CHD7: variants seen among roughly 807,000 people sequenced by gnomAD.
CHD7 encodes ATP-dependent chromatin remodeler CHD7.
In CHD7, 24 loss-of-function variants were observed where a neutral mutation model predicts 307.3. The observed-to-expected ratio is 0.08, with a 90% CI of 0.06 to 0.11. CHD7 has a LOEUF of 0.11. Among genes scored for constraint, CHD7 ranks in the 10% least tolerant of loss-of-function variants. The probability of loss-of-function intolerance (pLI) is 1.00; values close to 1 mark genes in which losing one functional copy is unlikely to be tolerated. For missense variants in CHD7, 3,106 were observed against 3,727.1 expected (o/e 0.83, Z 4.34); for synonymous variants, 1,363 against 1,349.9 (o/e 1.01, Z -0.21).
chr8:60,787,736 G>A (rs1289675391), intron 3 of CHD7, among the ~76,000 whole-genome samples: 1 of 151,984 alleles, frequency 6.6e-6, no homozygotes, highest in Non-Finnish European at 1.5e-5. Context: ...TCTGTGATCA[G>A]ATAACACATT....
chr8:60,696,617 G>T (rs1586175588), intron 1 of CHD7, among the ~76,000 whole-genome samples: 1 of 143,954 alleles, frequency 6.9e-6, no homozygotes, highest in African/African-American at 2.5e-5. Context: ...ATTGCAGGTA[G>T]TTTTTTTTTT....
Position 60,850,530 on chromosome 8 carries a change from G to A in CHD7, c.5442G>A (p.Ala1814=), listed in dbSNP as rs558567843. The A allele has an allele frequency of 3.3e-5, 54 of 1,613,642 alleles. No homozygotes were observed. The highest frequency in any genetic ancestry group is 8.9e-5 in the East Asian group (4 of 44,864). ...ACAACTCCATGCGAGCTGACCCCGCGCTGTGCTTTCTGGAACGAGTCGGTA... is the reference window on the plus strand; with the variant it reads ...ACAACTCCATGCGAGCTGACCCCGCACTGTGCTTTCTGGAACGAGTCGGTA... The part of the protein sequence containing the change: ...EKYNSMRADP[A]LCFLERVGMP... The change falls in exon 26 of 38, where the codon GCG becomes GCA. Residue 1814 remains alanine (A), a synonymous_variant. Coordinates refer to ENST00000423902, the MANE Select transcript of CHD7 (RefSeq NM_017780.4).
chr8:60,724,310 T>C (rs1268667220), intron 1 of CHD7, among the ~76,000 whole-genome samples: 1 of 152,216 alleles, frequency 6.6e-6, no homozygotes, highest in Non-Finnish European at 1.5e-5. Context: ...ATTTGAGTAT[T>C]GTAGATCATC....
chr8:60,733,954 C>T (rs964145427), intron 1 of CHD7, among the ~76,000 whole-genome samples: 2 of 152,096 alleles, frequency 1.3e-5, no homozygotes, highest in African/African-American at 4.8e-5. Flanking sequence ...AACAGATGGG[C>T]ATATCTTTAA....
At chr8:60,696,319 T>G (rs1806464379) in intron 1 of CHD7, among the ~76,000 whole-genome samples, 1 of 152,234 alleles carries the variant, frequency 6.6e-6, no homozygotes, top group Admixed American at 6.5e-5. Context: ...CAGTTTCACT[T>G]AATTAAAAGC....
chr8:60,848,591 G>T lies in CHD7; in HGVS notation c.5287G>T (p.Gly1763Cys), dbSNP rs774818972. ...IGDQADKILE[G>C]ADSSEADVWI... ...AGACCAGGCGGATAAGATCTTAGAG[G>T]GTGCTGACTCAAGGTTAGTGCGAGC... Residue 1763 changes from glycine (G) to cysteine (C), a missense_variant, in exon 24 of 38, where the codon GGT (glycine) becomes TGT (cysteine). Gly to Cys is a radical substitution (Grantham distance 159). This residue lies in a region of CHD7 where 1,030 missense variants were observed against 1,165.4 expected (regional missense o/e 0.88). Transcript: ENST00000423902. 15 of 1,613,094 alleles carry T rather than the reference G, an allele frequency of 9.3e-6. No individual in the cohort carries two copies. Among genetic ancestry groups the T allele is most frequent in the Non-Finnish European group, 1.7e-6 (2 of 1,179,484 alleles).
At chr8:60,795,348 G>A (rs1459275189) in intron 4 of CHD7, among the ~76,000 whole-genome samples, 1 of 152,052 alleles carries the variant, frequency 6.6e-6, no homozygotes, top group Non-Finnish European at 1.5e-5. Flanking sequence ...TGCTATCTTT[G>A]ACTCTATAAT....
chr8:60,679,101 C>A lies in CHD7; in HGVS notation c.-175+19C>A. On this transcript the variant is annotated intron_variant, in intron 1 of 37. Coordinates refer to ENST00000423902, the MANE Select transcript of CHD7 (RefSeq NM_017780.4). Reference sequence around the variant, plus strand: ...CGACCCGGTGAGCGCGAGAGTTCGCCCGGCGCCCCCGGGAGGGGCGGCGGC... The same window carrying A: ...CGACCCGGTGAGCGCGAGAGTTCGCACGGCGCCCCCGGGAGGGGCGGCGGC... The A allele has an allele frequency of 6.4e-6, 1 of 156,616 alleles. No homozygotes were observed. The highest frequency in any genetic ancestry group is 1.8e-4 in the South Asian group (1 of 5,702). The allele number at this position is 156,616 out of a possible 1,614,324, so 9.7% of individuals were successfully genotyped here.
chr8:60,811,821 C>A (rs942138033), intron 7 of CHD7, among the ~76,000 whole-genome samples: 2 of 152,090 alleles, frequency 1.3e-5, no homozygotes, highest in African/African-American at 4.8e-5. Flanking sequence ...ACACCTGTTT[C>A]CCCACAACCT....
intron 1 of CHD7, among the ~76,000 whole-genome samples, chr8:60,719,557 A>G (rs1232559070): frequency 1.3e-5 from 2 of 152,194 alleles, no homozygotes; most frequent in Non-Finnish European, 2.9e-5. Flanking sequence ...TGAATTATTA[A>G]TTGGTCAAAC....
chr8:60,681,848 G>A (rs1343392350), intron 1 of CHD7, among the ~76,000 whole-genome samples: 1 of 151,994 alleles, frequency 6.6e-6, no homozygotes, highest in African/African-American at 2.4e-5. Flanking sequence ...ATTGTATCCT[G>A]GGTCTATGCT....
chr8:60,710,908 T>A (rs1189032917), intron 1 of CHD7, among the ~76,000 whole-genome samples: 1 of 152,234 alleles, frequency 6.6e-6, no homozygotes, highest in East Asian at 1.9e-4. Flanking sequence ...AGGAAACTAT[T>A]GAGTTTGTTA....
chr8:60,851,151 T>C (rs1205856972), intron 27 of CHD7, 47 bp downstream of exon 27: 1 of 1,480,934 alleles, frequency 6.8e-7, no homozygotes, highest in Admixed American at 2.0e-5. Context: ...TAAAATATTA[T>C]ATGCCCACAT....
intron 1 of CHD7, among the ~76,000 whole-genome samples, chr8:60,735,962 T>C (rs1368959938): frequency 6.6e-6 from 1 of 152,186 alleles, no homozygotes; most frequent in African/African-American, 2.4e-5. Context: ...AATAACAACA[T>C]GTGGCTGGTG....
intron 2 of CHD7, among the ~76,000 whole-genome samples, chr8:60,756,989 T>A (rs1809929080): frequency 6.6e-6 from 1 of 152,214 alleles, no homozygotes; most frequent in Non-Finnish European, 1.5e-5. Flanking sequence ...AGAGAAGAGC[T>A]CCATTCTTTG....
At position 60,862,027 on chromosome 8, in the gene CHD7, G is replaced by A. The variant is rs967967292; in HGVS notation, c.7831-169G>A. On this transcript the variant is annotated intron_variant, in intron 35 of 37. Coordinates refer to ENST00000423902, the MANE Select transcript of CHD7 (RefSeq NM_017780.4). ...TATTCCTTAATGGACGGGTAAAATA[G>A]GAGTTTTTTCTTTCAAAGAGAAAAA... is the stretch of plus-strand genomic sequence containing the variant. The A allele has an allele frequency of 1.1e-5, 6 of 533,462 alleles. No individual in the cohort carries two copies. In the African/African-American group the frequency reaches 1.2e-4, roughly 10 times the overall value. The allele number at this position is 533,462 out of a possible 1,614,324, so 33.0% of individuals were successfully genotyped here.
At chr8:60,783,096 T>G (rs185451551) in intron 3 of CHD7, among the ~76,000 whole-genome samples, 37 of 152,288 alleles carry the variant, frequency 2.4e-4, no homozygotes, top group Non-Finnish European at 4.3e-4. Flanking sequence ...CATCTTAATT[T>G]TTAAATTTAT....
intron 1 of CHD7, among the ~76,000 whole-genome samples, chr8:60,719,128 T>C (rs926365572): frequency 6.6e-6 from 1 of 152,242 alleles, no homozygotes; most frequent in Admixed American, 6.5e-5. Flanking sequence ...GACACATGAC[T>C]ATGTTTACAG....
chr8:60,841,191 C>T (rs999958239), intron 19 of CHD7, among the ~76,000 whole-genome samples: 3 of 152,266 alleles, frequency 2.0e-5, no homozygotes, highest in South Asian at 2.1e-4. Context: ...CTCACCAGCT[C>T]GACCTCTGGC....
Sources: allele counts gnomAD v4.1 joint callset (sites outside exome capture counted in the v4.1 genomes callset), GRCh38; gene constraint gnomAD v4.1.1; regional missense constraint gnomAD v4.1.1; transcripts MANE v1.5; gene names NCBI Gene and HGNC (gene_info 2026-07-23, HGNC 2026-07-21).